Variants in TGM1 observed in about 807,000 individuals in gnomAD.
TGM1 encodes the protein transglutaminase 1.
A neutral mutation model predicts 88.7 loss-of-function variants in TGM1; 63 were observed. The observed-to-expected ratio is 0.71, with a 90% CI of 0.58 to 0.88. The LOEUF (loss-of-function observed/expected upper bound fraction) is 0.88, where lower values mean the gene tolerates loss of function less well. TGM1 is among the 40% of genes least tolerant of loss of function. The probability of loss-of-function intolerance (pLI) is 0.00; values close to 1 mark genes in which losing one functional copy is unlikely to be tolerated. For synonymous variants in TGM1, 415 were observed against 431.1 expected (o/e 0.96, Z 0.46); for missense variants, 996 against 1,118.0 (o/e 0.89, Z 1.56).
At position 24,250,179 on chromosome 14, in the gene TGM1, T is replaced by TGTGTGTGTGTGA. The variant is rs138497842; in HGVS notation, c.2226-639_2226-638insTCACACACACAC. On this transcript the variant is annotated intron_variant, in intron 14 of 14. Coordinates refer to ENST00000206765, the MANE Select transcript of TGM1 (RefSeq NM_000359.3). The stretch of plus-strand genomic sequence containing the variant: ...GTGTGTGTGTGTGTGTGTGTGTGTG[T>TGTGTGTGTGTGA]GAGAGAGACAGAGAGGTGGGTGGAC... Among the ~76,000 whole-genome samples, 539 of 140,786 alleles carry TGTGTGTGTGTGA rather than the reference T, an allele frequency of 3.8e-3. 13 individuals carry two copies. The East Asian group carries it at 0.065, about 17-fold the overall frequency. 92.4% of individuals were successfully genotyped at this position (140,786 alleles called of 152,430 possible).
chr14:24,258,250 C>G (rs754827366), intron 9 of TGM1, 35 bp downstream of exon 9: 1 of 1,547,866 alleles, frequency 6.5e-7, no homozygotes, highest in East Asian at 2.2e-5. Context: ...GGGAGATAAG[C>G]AGGGGCATGG....
In TGM1 at chr14:24,261,686, C is replaced by G. The variant is rs749006920; in HGVS notation, c.508+9G>C. On this transcript the variant is annotated intron_variant, in intron 3 of 14. Coordinates refer to ENST00000206765, the MANE Select transcript of TGM1 (RefSeq NM_000359.3). ...GGCCTTCACCCGTCCCAATCCAAGC[C>G]CCACTGACCGATGAGTAACTCAAGG... The G allele has an allele frequency of 6.2e-6, 10 of 1,613,924 alleles. No homozygotes were observed. The highest frequency in any genetic ancestry group is 3.3e-4 in the Middle Eastern group (2 of 6,084).
In TGM1 at chr14:24,260,562, G is replaced by A. The variant is rs2139026151; in HGVS notation, c.645C>T (p.Ala215=). Residue 215 remains alanine, a synonymous_variant, in exon 4 of 15, where the codon GCC becomes GCT. Transcript: ENST00000206765. ...LNLRVHTSPN[A]IIGKFQFTVR... is the part of the protein sequence containing the mutation. ...CTGTGAACTGAAACTTGCCGATGAT[G>A]GCGTTGGGGGAAGTGTGGACCCGCA... 1 of 1,614,232 alleles carries A rather than the reference G, an allele frequency of 6.2e-7. No homozygotes were observed.
In TGM1 at chr14:24,259,984, C is replaced by A; in HGVS notation, c.832G>T (p.Gly278Trp). The change falls in exon 5 of 15, where the codon GGG becomes TGG. Residue 278 changes from glycine to tryptophan, a missense_variant. Coordinates refer to ENST00000206765, the MANE Select transcript of TGM1 (RefSeq NM_000359.3). This position sits in a 1 kb window ranked among gnomAD's most constrained non-coding sequence, Gnocchi z 5.7. ...VLNESGRIYY[G>W]TEAQIGERTW... The stretch of plus-strand genomic sequence containing the variant: ...CGCTCACCAATCTGTGCTTCGGTCC[C>A]GTAGTAAATTCTCCCAGACTCATTA... 6.2e-7 allele frequency: 1 copy of A among 1,614,182 alleles called. No homozygotes were observed. The highest frequency in any genetic ancestry group is 1.3e-5 in the African/African-American group (1 of 75,024).
At position 24,255,853 on chromosome 14, in the gene TGM1, C is replaced by T. The variant is rs551559110; in HGVS notation, c.1491+136G>A. The T allele has an allele frequency of 1.1e-5, 9 of 806,060 alleles. No individual in the cohort carries two copies. In the South Asian group the frequency reaches 1.3e-4, roughly 12 times the overall value. The allele number at this position is 806,060 out of a possible 1,614,324, so 49.9% of individuals were successfully genotyped here. On this transcript the variant is annotated intron_variant, in intron 10 of 14. Transcript: ENST00000206765. The surrounding 1 kb of genome is among the most constrained non-coding windows in gnomAD (Gnocchi z 4.0). ...GGAAGCAAGGCAGCCTTGATTATCCCCTTTTACAGGTGAGGAAACTGACTT... is the reference window on the plus strand; with the variant it reads ...GGAAGCAAGGCAGCCTTGATTATCCTCTTTTACAGGTGAGGAAACTGACTT...
chr14:24,260,287 C>A, intron 4 of TGM1, 163 bp downstream of exon 4: 1 of 1,223,982 alleles, frequency 8.2e-7, no homozygotes, highest in Non-Finnish European at 1.2e-6. Context: ...TGACCCTGGG[C>A]TGGCCACCTT....
intron 4 of TGM1, 134 bp downstream of exon 4, chr14:24,260,315 TC>T: frequency 2.1e-6 from 3 of 1,413,910 alleles, no homozygotes; most frequent in Non-Finnish European, 2.9e-6. Context: ...CAGGCCTCGG[TC>T]CTCTCATCTG....
Position 24,259,425 on chromosome 14 carries a change from T to C in TGM1, c.985-176A>G, listed in dbSNP as rs1331135207. Among the ~76,000 whole-genome samples, 1 of 151,968 alleles carries C rather than the reference T, an allele frequency of 6.6e-6. No individual in the cohort carries two copies. Among genetic ancestry groups the C allele is most frequent in the East Asian group, 1.9e-4 (1 of 5,178 alleles). On this transcript the variant is annotated intron_variant, in intron 6 of 14. Transcript: ENST00000206765. This position sits in a 1 kb window ranked among gnomAD's most constrained non-coding sequence, Gnocchi z 5.7. The stretch of plus-strand genomic sequence containing the variant: ...CCCTTCCCTCAGCCATCTGCCCCCC[T>C]CCCACCCGGGCTCTGACACAGGAAT...
chr14:24,261,078 C>A (rs1031571841), intron 3 of TGM1, among the ~76,000 whole-genome samples: 1 of 152,206 alleles, frequency 6.6e-6, no homozygotes, highest in Non-Finnish European at 1.5e-5. Flanking sequence ...TGCCTGCTTC[C>A]TGGGGCTGCA....
chr14:24,256,467 C>T (rs1267729519), intron 9 of TGM1, among the ~76,000 whole-genome samples: 1 of 152,212 alleles, frequency 6.6e-6, no homozygotes, highest in East Asian at 1.9e-4. Flanking sequence ...CAGGACGCCC[C>T]ATCCTTTATC....
intron 12 of TGM1, 36 bp from the exon 13 acceptor site, chr14:24,254,860 T>C: frequency 1.3e-5 from 21 of 1,613,282 alleles, no homozygotes; most frequent in Non-Finnish European, 1.8e-5. Flanking sequence ...TGAGGCCTGC[T>C]TCCCTACATG....
In TGM1 at chr14:24,255,494, C is replaced by A; in HGVS notation, c.1515G>T (p.Trp505Cys). ...FAEVNSDKVY[W>C]QRQDDGSFKI... ...TGAAGCTGCCATCATCCTGCCGCTGCCAGTACACCTTGTCACTATTCACCT... is the reference window on the plus strand; with the variant it reads ...TGAAGCTGCCATCATCCTGCCGCTGACAGTACACCTTGTCACTATTCACCT... Residue 505 changes from tryptophan to cysteine, a missense_variant, in exon 11 of 15, where the codon TGG (tryptophan) becomes TGT (cysteine). By Grantham distance (215) the Trp-to-Cys change is radical. Transcript: ENST00000206765. The surrounding 1 kb of genome is among the most constrained non-coding windows in gnomAD (Gnocchi z 4.0). 6.2e-7 allele frequency: 1 copy of A among 1,613,780 alleles called. No individual in the cohort carries two copies. Among genetic ancestry groups the A allele is most frequent in the Non-Finnish European group, 8.5e-7 (1 of 1,180,038 alleles).
chr14:24,261,771 C>A lies in TGM1; in HGVS notation c.432G>T (p.Gly144=), dbSNP rs141559048. Residue 144 remains glycine, a synonymous_variant, in exon 3 of 15, where the codon GGG becomes GGT. Transcript: ENST00000206765. ...GGAGGAGGAGCATATGGAAAGGCTG[C>A]CCGCGGCGCACTATCAGCTCGTCGT... ...YEYDELIVRR[G]QPFHMLLLLS... 6.2e-7 allele frequency: 1 copy of A among 1,613,986 alleles called. No individual in the cohort carries two copies. The highest frequency in any genetic ancestry group is 8.5e-7 in the Non-Finnish European group (1 of 1,180,022).
intron 7 of TGM1, 112 bp downstream of exon 7, chr14:24,258,963 C>T: frequency 1.6e-6 from 2 of 1,280,886 alleles, no homozygotes; most frequent in Non-Finnish European, 2.2e-6. Flanking sequence ...CTATTACCCA[C>T]CCCCGCCTGC....
intron 3 of TGM1, 45 bp downstream of exon 3, chr14:24,261,650 A>G (rs754127723): frequency 1.9e-6 from 3 of 1,612,750 alleles, no homozygotes; most frequent in South Asian, 2.2e-5. Flanking sequence ...GCCTCTCCCC[A>G]CCAAACATAG....
rs758851343 is a variant in TGM1, at chr14:24,249,575, A to T, written c.2226-34T>A. 6 of 1,592,214 alleles carry T rather than the reference A, an allele frequency of 3.8e-6. No individual in the cohort carries two copies. The South Asian group carries it at 6.7e-5, about 18-fold the overall frequency. On this transcript the variant is annotated intron_variant, in intron 14 of 14. Transcript: ENST00000206765. The stretch of plus-strand genomic sequence containing the variant: ...AGAGACAAGGTCATGGGCCTGGAGT[A>T]ATTGGGGGTGGAGTGGGGAGTAAGA...
At position 24,255,993 on chromosome 14, in the gene TGM1, G is replaced by A; in HGVS notation, c.1487C>T (p.Ala496Val). ...CACCTGGAGCCCAGCCCTCACCTCA[G>A]CAAAAATGAAAGGCGTGTCGTACTT... The part of the protein sequence containing the change: ...YMKYDTPFIF[A>V]EVNSDKVYWQ... Residue 496 changes from alanine to valine, a missense_variant, in exon 10 of 15, where the codon GCT becomes GTT. Transcript: ENST00000206765. This position sits in a 1 kb window ranked among gnomAD's most constrained non-coding sequence, Gnocchi z 4.0. The A allele has an allele frequency of 1.9e-6, 3 of 1,560,478 alleles. No individual in the cohort carries two copies. The highest frequency in any genetic ancestry group is 2.6e-6 in the Non-Finnish European group (3 of 1,151,286).
intron 4 of TGM1, 53 bp downstream of exon 4, chr14:24,260,397 C>G (rs892845949): frequency 1.9e-6 from 3 of 1,612,266 alleles, no homozygotes; most frequent in Non-Finnish European, 1.7e-6. Flanking sequence ...GCAGGAAGCC[C>G]TTCCCTGTCT....
chr14:24,249,607 C>G, intron 14 of TGM1, 66 bp from the exon 15 acceptor site: 1 of 1,405,538 alleles, frequency 7.1e-7, no homozygotes, highest in Non-Finnish European at 9.9e-7. Context: ...AAGAGCTGAT[C>G]CAGGGCAGTC....
Sources: allele counts gnomAD v4.1 joint callset (sites outside exome capture counted in the v4.1 genomes callset), GRCh38; gene constraint gnomAD v4.1.1; non-coding constraint Gnocchi (gnomAD v3.1); transcripts MANE v1.5; gene names NCBI Gene and HGNC (gene_info 2026-07-23, HGNC 2026-07-21).